UBE2E3: variants seen among roughly 807,000 people sequenced by gnomAD.
The protein encoded by UBE2E3 is ubiquitin-conjugating enzyme E2 E3.
UBE2E3 carries 5 observed loss-of-function variants against 23.6 expected under a neutral mutation model. That is an observed-to-expected ratio of 0.21 (90% CI 0.11 to 0.44). The LOEUF is 0.44. Among genes scored for constraint, UBE2E3 ranks in the 20% least tolerant of loss-of-function variants. The probability of loss-of-function intolerance (pLI) is 0.99; values close to 1 mark genes in which losing one functional copy is unlikely to be tolerated. For missense variants in UBE2E3, 81 were observed against 249.8 expected, an observed-to-expected ratio of 0.32 and a Z score of 4.55; for synonymous variants, 78 against 87.5, an observed-to-expected ratio of 0.89 and a Z score of 0.60.
intron 5 of UBE2E3, 141 bp from the exon 6 acceptor site, chr2:181,062,650 T>C (rs1687194382): frequency 4.8e-6 from 2 of 415,636 alleles, no homozygotes. Context: ...CATGTTACTT[T>C]AAACTTTTTC....
Position 181,063,083 on chromosome 2 carries a change from T to C in UBE2E3, c.*195T>C, listed in dbSNP as rs1687205121. Reference sequence around the variant, plus strand: ...GTAGAACTTTGTAGCTGTAGATTAGTTATGTTTAAAACGCCTACTTGCAAG... The same window carrying C: ...GTAGAACTTTGTAGCTGTAGATTAGCTATGTTTAAAACGCCTACTTGCAAG... On this transcript the variant is annotated 3_prime_UTR_variant, in exon 6 of 6. Transcript: ENST00000410062. The surrounding 1 kb of genome is among the most constrained non-coding windows in gnomAD (Gnocchi z 4.1). The C allele has an allele frequency of 2.2e-5, 8 of 358,520 alleles. No individual in the cohort carries two copies. Among genetic ancestry groups the C allele is most frequent in the Admixed American group, 9.2e-5 (2 of 21,704 alleles). The allele number at this position is 358,520 out of a possible 1,614,324, so 22.2% of individuals were successfully genotyped here. A position where few individuals can be genotyped will look rare whatever the true frequency, so the allele number is the denominator to read the frequency against.
At chr2:181,031,546 T>C (rs1686077466) in intron 3 of UBE2E3, among the ~76,000 whole-genome samples, 1 of 152,186 alleles carries the variant, frequency 6.6e-6, no homozygotes, top group Non-Finnish European at 1.5e-5. Context: ...TTTAAGAGTT[T>C]GGTTTGTTTG....
intron 3 of UBE2E3, among the ~76,000 whole-genome samples, chr2:181,019,264 T>C (rs953544001): frequency 7.9e-5 from 12 of 152,170 alleles, no homozygotes; most frequent in Non-Finnish European, 1.6e-4. Flanking sequence ...CCGGCCTAGC[T>C]CTAAAATTTA....
In UBE2E3 at chr2:181,023,893, A is replaced by G. The variant is rs112917702; in HGVS notation, c.246-33800A>G. Among the ~76,000 whole-genome samples, 215 of 152,262 alleles carry G rather than the reference A, an allele frequency of 1.4e-3. 1 individual carries two copies. The highest frequency in any genetic ancestry group is 5.9e-4 in the Non-Finnish European group (40 of 68,000). ...TTCGTGCTAGATAAATGTTAGCTAT[A>G]ATCATTACTACTATTATTATTATCC... On this transcript the variant is annotated intron_variant, in intron 3 of 5. Transcript: ENST00000410062.
At chr2:180,981,496 T>A (rs1438168530) in intron 1 of UBE2E3, 1 of 152,220 alleles carries the variant, frequency 6.6e-6, no homozygotes. Flanking sequence ...ATTTTTAAAT[T>A]TCCAAGTGTT....
intron 3 of UBE2E3, among the ~76,000 whole-genome samples, chr2:181,001,926 C>T (rs549536433): frequency 4.6e-5 from 7 of 152,030 alleles, no homozygotes; most frequent in Admixed American, 6.6e-5. Context: ...TATTTGTTGA[C>T]GAAAAGAAAT....
chr2:181,036,138 G>T (rs543796516), intron 3 of UBE2E3, among the ~76,000 whole-genome samples: 1 of 152,164 alleles, frequency 6.6e-6, no homozygotes, highest in African/African-American at 2.4e-5. Context: ...AACGAAGTTG[G>T]AGGACTCATA....
At chr2:181,000,681 A>G (rs973636613) in intron 3 of UBE2E3, among the ~76,000 whole-genome samples, 10 of 151,510 alleles carry the variant, frequency 6.6e-5, no homozygotes, top group Admixed American at 4.6e-4. Context: ...CAGCCTCCTG[A>G]GTAGCTGGGA....
At chr2:181,062,365 A>T (rs985478906) in intron 5 of UBE2E3, among the ~76,000 whole-genome samples, 1 of 151,746 alleles carries the variant, frequency 6.6e-6, no homozygotes, top group African/African-American at 2.4e-5. Flanking sequence ...TATCAGGCAC[A>T]GAATGAAGGA....
At chr2:181,023,833 A>G (rs1685784777) in intron 3 of UBE2E3, among the ~76,000 whole-genome samples, 1 of 152,214 alleles carries the variant, frequency 6.6e-6, no homozygotes. Flanking sequence ...GAATTGATAC[A>G]TGGAAAGTTC....
intron 5 of UBE2E3, 77 bp downstream of exon 5, chr2:181,060,889 AG>A (rs1687133690): frequency 3.4e-6 from 3 of 873,924 alleles, no homozygotes; most frequent in Non-Finnish European, 4.5e-6. Flanking sequence ...TTTTTTTTTT[AG>A]TTAGCTTTAA....
intron 3 of UBE2E3, among the ~76,000 whole-genome samples, chr2:181,023,567 T>A (rs1313599538): frequency 2.0e-5 from 3 of 152,190 alleles, no homozygotes; most frequent in African/African-American, 7.2e-5. Context: ...CATCCCTTAC[T>A]TTCTTTAACA....
rs145210087 is a variant in UBE2E3 at position 181,048,048 on chromosome 2, C to A, written c.246-9645C>A. On this transcript the variant is annotated intron_variant, in intron 3 of 5. Transcript: ENST00000410062. ...GATGGCCTCAGGGCATTTTCCTATG[C>A]TTTGAAGTCCTCTTTCCCAGCCCTT... is the stretch of plus-strand genomic sequence containing the variant. Among the ~76,000 whole-genome samples the A allele has an allele frequency of 1.4e-3, 212 of 152,216 alleles. 1 individual carries two copies. Among genetic ancestry groups the A allele is most frequent in the African/African-American group, 4.8e-3 (199 of 41,566 alleles).
At chr2:180,987,019 A>G (rs967192081) in intron 3 of UBE2E3, among the ~76,000 whole-genome samples, 1 of 152,086 alleles carries the variant, frequency 6.6e-6, no homozygotes, top group African/African-American at 2.4e-5. Context: ...ACATGTTTTA[A>G]TATATTTTGA....
At chr2:181,043,952 A>G (rs1686594361) in intron 3 of UBE2E3, among the ~76,000 whole-genome samples, 1 of 152,120 alleles carries the variant, frequency 6.6e-6, no homozygotes, top group Non-Finnish European at 1.5e-5. Context: ...GAGTTTCACT[A>G]TTGTTATTTT....
chr2:181,039,416 A>G (rs1285620129), intron 3 of UBE2E3, among the ~76,000 whole-genome samples: 1 of 152,046 alleles, frequency 6.6e-6, no homozygotes, highest in Non-Finnish European at 1.5e-5. Flanking sequence ...TGGCTCCTGG[A>G]GCGGCTGGGA....
chr2:181,039,123 CTTTTTTTTTTTTTTT>C lies in UBE2E3; in HGVS notation c.246-18559_246-18545del, dbSNP rs11289425. ...AACCTCCAGTACCTCAGAATGTGAC[CTTTTTTTTTTTTTTT>C]TTTTTTTTTTGGAAATAGGGTCATT... On this transcript the variant is annotated intron_variant, in intron 3 of 5. Coordinates refer to ENST00000410062, the MANE Select transcript of UBE2E3 (RefSeq NM_006357.4). 7.8e-4 allele frequency among the ~76,000 whole-genome samples: 52 copies of C among 66,256 alleles called. 1 individual carries two copies. The South Asian group carries it at 0.032, about 41-fold the overall frequency. The allele number at this position is 66,256 out of a possible 152,430, so 43.5% of individuals were successfully genotyped here.
chr2:180,985,869 A>G (rs1048832707), intron 3 of UBE2E3, among the ~76,000 whole-genome samples: 1 of 151,808 alleles, frequency 6.6e-6, no homozygotes, highest in Non-Finnish European at 1.5e-5. Context: ...CCTAGTAGAC[A>G]TGTATTAAGT....
chr2:181,043,729 C>G (rs966733644), intron 3 of UBE2E3, among the ~76,000 whole-genome samples: 3 of 152,080 alleles, frequency 2.0e-5, no homozygotes, highest in Non-Finnish European at 2.9e-5. Flanking sequence ...AATACACATA[C>G]TGTATACACA....
Sources: allele counts gnomAD v4.1 joint callset (sites outside exome capture counted in the v4.1 genomes callset), GRCh38; gene constraint gnomAD v4.1.1; non-coding constraint Gnocchi (gnomAD v3.1); transcripts MANE v1.5; gene names NCBI Gene and HGNC (gene_info 2026-07-23, HGNC 2026-07-21).